Variants in CWC25 observed in about 807,000 individuals in gnomAD.
The protein encoded by CWC25 is pre-mRNA-splicing factor CWC25 homolog.
Under a neutral mutation model 54.6 loss-of-function variants are expected in CWC25, and 31 were observed. The observed-to-expected ratio is 0.57, with a 90% CI of 0.43 to 0.77. CWC25 has a LOEUF of 0.77. Among genes scored for constraint, CWC25 ranks in the 30% least tolerant of loss-of-function variants. CWC25 has a pLI of 0.00. For missense variants in CWC25, 453 were observed against 529.3 expected (o/e 0.86, Z 1.41); for synonymous variants, 151 against 187.0 (o/e 0.81, Z 1.57).
intron 2 of CWC25, among the ~76,000 whole-genome samples, chr17:38,818,317 G>A (rs1420276581): frequency 6.6e-6 from 1 of 150,952 alleles, no homozygotes; most frequent in Non-Finnish European, 1.5e-5. Context: ...AAACCAGCCG[G>A]GCACTGTGGC....
At chr17:38,815,616 TTCAC>T in intron 2 of CWC25, 16 of 1,141,156 alleles carry the variant, frequency 1.4e-5, no homozygotes, top group Non-Finnish European at 1.9e-5. Context: ...AGAGAGAATA[TTCAC>T]TCACATAAAG....
intron 1 of CWC25, 86 bp from the exon 2 acceptor site, chr17:38,821,159 T>TCCTCCTC (rs1911908303): frequency 3.6e-6 from 5 of 1,386,796 alleles, no homozygotes; most frequent in African/African-American, 1.4e-5. Flanking sequence ...CACCCTTCCA[T>TCCTCCTC]ACCCAAGGCA....
At chr17:38,818,120 A>G (rs1036462830) in intron 2 of CWC25, among the ~76,000 whole-genome samples, 1 of 150,806 alleles carries the variant, frequency 6.6e-6, no homozygotes, top group Non-Finnish European at 1.5e-5. Context: ...TACTTAAAAT[A>G]CTAAAATTAG....
intron 1 of CWC25, 61 bp downstream of exon 1, chr17:38,825,105 A>G: frequency 1.1e-6 from 1 of 887,880 alleles, no homozygotes; most frequent in Non-Finnish European, 1.5e-6. Context: ...CTCTACCCCC[A>G]CCCCCTGCCA....
chr17:38,803,585 G>A (rs1261988937), intron 8 of CWC25, among the ~76,000 whole-genome samples: 4 of 151,782 alleles, frequency 2.6e-5, no homozygotes, highest in Admixed American at 6.6e-5. Flanking sequence ...AGCCAAGATC[G>A]CACCACTGCA....
rs767768285 is a variant in CWC25, at chr17:38,802,080, A to G, written c.*12T>C. Reference sequence around the variant, plus strand: ...GAAAATGCAGGAAAACCAATAAGAGAGGGGACAGTTTTCATCTTTTCATAA... The same window carrying G: ...GAAAATGCAGGAAAACCAATAAGAGGGGGGACAGTTTTCATCTTTTCATAA... On this transcript the variant is annotated 3_prime_UTR_variant, in exon 10 of 10. Transcript: ENST00000614790. 1.3e-6 allele frequency: 2 copies of G among 1,533,768 alleles called. No individual in the cohort carries two copies. The highest frequency in any genetic ancestry group is 2.2e-5 in the South Asian group (2 of 88,992).
chr17:38,821,147 C>A, intron 1 of CWC25, 74 bp from the exon 2 acceptor site: 2 of 1,473,722 alleles, frequency 1.4e-6, no homozygotes, highest in East Asian at 2.3e-5. Context: ...CCCTGCCTCA[C>A]CCACCCTTCC....
chr17:38,810,671 G>A (rs1365527441), intron 4 of CWC25, 76 bp from the exon 5 acceptor site: 1 of 772,438 alleles, frequency 1.3e-6, no homozygotes. Context: ...TGTAATCCCA[G>A]CACTTTGGGA....
At position 38,802,434 on chromosome 17, in the gene CWC25, T is replaced by C. The variant is rs568485100; in HGVS notation, c.1164-228A>G. Among the ~76,000 whole-genome samples the C allele has an allele frequency of 1.9e-3, 296 of 152,290 alleles. 2 individuals are homozygous for C. Among genetic ancestry groups the C allele is most frequent in the Non-Finnish European group, 2.7e-3 (187 of 68,018 alleles). ...TTTTGGAAAATAAGTCAAAGCCTCA[T>C]TGGAAAAAGGCTTCCTGGGCCATGA... On this transcript the variant is annotated intron_variant, in intron 9 of 9. Transcript: ENST00000614790.
At chr17:38,802,884 G>A (rs1212915102) in intron 8 of CWC25, 23 bp from the exon 9 acceptor site, 8 of 1,613,034 alleles carry the variant, frequency 5.0e-6, no homozygotes, top group Middle Eastern at 1.7e-4. Flanking sequence ...GAAACCATAC[G>A]ATCAGGTCTC....
intron 2 of CWC25, among the ~76,000 whole-genome samples, chr17:38,817,957 C>T (rs1911768418): frequency 6.6e-6 from 1 of 151,418 alleles, no homozygotes; most frequent in Admixed American, 6.6e-5. Flanking sequence ...CAGAGCAAGA[C>T]TCTGACTCAA....
Position 38,820,949 on chromosome 17 carries a change from C to T in CWC25, c.143G>A (p.Arg48Lys), listed in dbSNP as rs765371429. 1.6e-5 allele frequency: 26 copies of T among 1,613,864 alleles called. No homozygotes were observed. Among genetic ancestry groups the T allele is most frequent in the Non-Finnish European group, 2.0e-5 (24 of 1,179,904 alleles). Residue 48 changes from arginine (R) to lysine (K), a missense_variant, in exon 2 of 10, where the codon AGA (arginine) becomes AAA (lysine). By Grantham distance (26) the Arg-to-Lys change is conservative. Transcript: ENST00000614790. ...EELQRELREE[R>K]AREEMQRYAE... is the part of the protein sequence containing the mutation. ...ATAGCGCTGCATCTCTTCCCGGGCT[C>T]TCTCTTCTCGCAGCTCCCGCTGAAG...
intron 5 of CWC25, 140 bp downstream of exon 5, chr17:38,810,327 TG>T: frequency 1.2e-6 from 1 of 846,510 alleles, no homozygotes; most frequent in Non-Finnish European, 1.8e-6. Flanking sequence ...CTGTGGGCAC[TG>T]GGCCCATGTT....
In CWC25 at chr17:38,802,732, C is replaced by T. The variant is rs943382399; in HGVS notation, c.1131G>A (p.Glu377=). The change falls in exon 9 of 10, where the codon GAG becomes GAA. Residue 377 remains glutamate, a synonymous_variant. Coordinates refer to ENST00000614790, the MANE Select transcript of CWC25 (RefSeq NM_017748.5). ...AKDEEREQRL[E]KLDSRDGKFI... The stretch of plus-strand genomic sequence containing the variant: ...ACTTCCCATCCCGGGAGTCCAGCTT[C>T]TCTAGCCTCTGCTCCCGTTCCTCAT... 7 of 1,613,942 alleles carry T rather than the reference C, an allele frequency of 4.3e-6. No homozygotes were observed. The highest frequency in any genetic ancestry group is 4.2e-6 in the Non-Finnish European group (5 of 1,179,908).
At chr17:38,818,540 C>G (rs1481939295) in intron 2 of CWC25, among the ~76,000 whole-genome samples, 1 of 132,934 alleles carries the variant, frequency 7.5e-6, no homozygotes, top group Non-Finnish European at 1.5e-5. Context: ...TGCAGTGAGC[C>G]GAGATCGTGC....
At position 38,820,852 on chromosome 17, in the gene CWC25, C is replaced by G. The variant is rs768137342; in HGVS notation, c.191+49G>C. 26 of 1,571,736 alleles carry G rather than the reference C, an allele frequency of 1.7e-5. No individual in the cohort carries two copies. In the South Asian group the frequency reaches 2.8e-4, roughly 17 times the overall value. ...CAACACTGGATGATGCATCTCAGGA[C>G]AGCTCTGCAATTCCCTACACACAAG... On this transcript the variant is annotated intron_variant, in intron 2 of 9. Transcript: ENST00000614790.
At position 38,816,665 on chromosome 17, in the gene CWC25, A is replaced by G. The variant is rs142202465; in HGVS notation, c.192-1568T>C. ...GACATTTTTGGTAAGAATAATTTAA[A>G]CCAACACTGCAGGGCCATGACCCTT... is the stretch of plus-strand genomic sequence containing the variant. On this transcript the variant is annotated intron_variant, in intron 2 of 9. Transcript: ENST00000614790. 1.8e-4 allele frequency among the ~76,000 whole-genome samples: 27 copies of G among 151,152 alleles called. No individual in the cohort carries two copies. In the East Asian group the frequency reaches 5.3e-3, roughly 30 times the overall value.
chr17:38,809,567 A>C (rs1911401736), intron 6 of CWC25, 135 bp downstream of exon 6: 1 of 674,304 alleles, frequency 1.5e-6, no homozygotes, highest in South Asian at 2.0e-5. Flanking sequence ...AGCCACAAGA[A>C]GGTGCTCAGC....
intron 1 of CWC25, among the ~76,000 whole-genome samples, chr17:38,824,493 C>T (rs1436294398): frequency 1.3e-5 from 2 of 151,926 alleles, no homozygotes. Context: ...TCGAGACCAG[C>T]CTGACCAACA....
Sources: gnomAD v4.1 joint callset for allele counts (sites outside exome capture counted in the v4.1 genomes callset) on GRCh38, gnomAD v4.1.1 for gene constraint, MANE v1.5 for transcripts, NCBI Gene and HGNC (gene_info 2026-07-23, HGNC 2026-07-21) for gene names.